NUP93: variants seen among roughly 807,000 people sequenced by gnomAD.
NUP93 encodes nucleoporin 93.
A neutral mutation model predicts 107.8 loss-of-function variants in NUP93; 55 were observed. That is an observed-to-expected ratio of 0.51 (90% CI 0.41 to 0.64). NUP93 has a LOEUF of 0.64. Among genes scored for constraint, NUP93 ranks in the 30% least tolerant of loss-of-function variants. The pLI is 0.00. For synonymous variants in NUP93, 390 were observed against 397.5 expected (o/e 0.98, Z 0.22); for missense variants, 937 against 1,044.7 (o/e 0.90, Z 1.42).
intron 3 of NUP93, among the ~76,000 whole-genome samples, chr16:56,762,934 A>T (rs1424794992): frequency 1.3e-5 from 2 of 152,252 alleles, no homozygotes; most frequent in South Asian, 2.1e-4. Flanking sequence ...GACACCAGTC[A>T]TTGGATTTAG....
intron 1 of NUP93, among the ~76,000 whole-genome samples, chr16:56,739,599 AT>A (rs1961676696): frequency 1.0e-5 from 1 of 95,386 alleles, no homozygotes; most frequent in African/African-American, 4.6e-5. Context: ...TCCCTCCCGG[AT>A]GGGGCGGCTG....
At chr16:56,836,171 G>GT (rs35892526) in intron 16 of NUP93, among the ~76,000 whole-genome samples, 34,051 of 151,144 alleles carry the variant, frequency 0.23, 4,168 homozygotes, top group Non-Finnish European at 0.27. Context: ...CTTGCTGTGT[G>GT]TTTTTTCAGC....
chr16:56,790,789 C>A (rs1962743902), intron 3 of NUP93, among the ~76,000 whole-genome samples: 1 of 152,196 alleles, frequency 6.6e-6, no homozygotes, highest in African/African-American at 2.4e-5. Context: ...AACTTTAGTA[C>A]CAACTGAATA....
intron 1 of NUP93, among the ~76,000 whole-genome samples, chr16:56,744,352 T>C (rs1239583289): frequency 6.6e-6 from 1 of 152,236 alleles, no homozygotes; most frequent in Admixed American, 6.5e-5. Context: ...TAAATTGATA[T>C]TTTGTGGTGA....
At chr16:56,806,880 T>A (rs1963153447) in intron 5 of NUP93, among the ~76,000 whole-genome samples, 1 of 152,154 alleles carries the variant, frequency 6.6e-6, no homozygotes, top group Non-Finnish European at 1.5e-5. Flanking sequence ...ATTGGGGCCA[T>A]CTTAGAGGCT....
intron 1 of NUP93, among the ~76,000 whole-genome samples, chr16:56,736,586 A>G (rs1961616718): frequency 6.6e-6 from 1 of 152,322 alleles, no homozygotes; most frequent in African/African-American, 2.4e-5. Context: ...GAACAGGGTG[A>G]GTTAGAACCT....
chr16:56,825,273 G>A (rs1157328824), intron 8 of NUP93, among the ~76,000 whole-genome samples: 1 of 135,792 alleles, frequency 7.4e-6, no homozygotes, highest in Admixed American at 8.1e-5. Context: ...ATGTAATGGT[G>A]TGATCTTGGC....
chr16:56,756,300 C>T lies in NUP93; in HGVS notation c.180-2238C>T, dbSNP rs529037933. Among the ~76,000 whole-genome samples the T allele has an allele frequency of 2.8e-5, 2 of 72,010 alleles. 1 individual carries two copies. The highest frequency in any genetic ancestry group is 6.3e-5 in the Non-Finnish European group (2 of 31,534). 47.2% of individuals were successfully genotyped at this position (72,010 alleles called of 152,430 possible). On this transcript the variant is annotated intron_variant, in intron 2 of 21. Coordinates refer to ENST00000308159, the MANE Select transcript of NUP93 (RefSeq NM_014669.5). ...CTAATGCTCTCTCTCTCCTTGCCCCCCCCCCCCCCGACAGGCTCCTATGTG... is the reference window on the plus strand; with the variant it reads ...CTAATGCTCTCTCTCTCCTTGCCCCTCCCCCCCCCGACAGGCTCCTATGTG...
intron 3 of NUP93, among the ~76,000 whole-genome samples, chr16:56,765,363 T>C (rs1351837623): frequency 1.3e-5 from 2 of 152,206 alleles, no homozygotes; most frequent in East Asian, 3.9e-4. Flanking sequence ...TTTGAGTTTT[T>C]AGAGGGATTT....
intron 21 of NUP93, chr16:56,842,633 A>G (rs776569539): frequency 1.8e-5 from 8 of 450,298 alleles, no homozygotes; most frequent in Middle Eastern, 4.8e-4. Context: ...GCTCACTGCA[A>G]CCTCTACCTC....
At position 56,846,990 on chromosome 16, in the gene NUP93, G is replaced by A. The variant is rs1203036560; in HGVS notation, c.*2381G>A. On this transcript the variant is annotated 3_prime_UTR_variant, in exon 22 of 22. Transcript: ENST00000308159. ...GATGAGGTTCTTTGACCTGTAGATG[G>A]GTCCTAAAATGAGAAGGGAGAGAAG... The A allele has an allele frequency of 2.2e-5, 2 of 90,406 alleles. No individual in the cohort carries two copies. 5.6% of individuals were successfully genotyped at this position (90,406 alleles called of 1,614,324 possible).
chr16:56,780,204 A>G (rs1962488463), intron 3 of NUP93, among the ~76,000 whole-genome samples: 1 of 152,184 alleles, frequency 6.6e-6, no homozygotes, highest in African/African-American at 2.4e-5. Context: ...AAAAAGCTTG[A>G]TTGTTGAATG....
chr16:56,813,352 T>C (rs1963355367), intron 5 of NUP93, among the ~76,000 whole-genome samples: 1 of 152,196 alleles, frequency 6.6e-6, no homozygotes, highest in Non-Finnish European at 1.5e-5. Flanking sequence ...AGGTGGACTA[T>C]TAGATGAAAT....
intron 1 of NUP93, among the ~76,000 whole-genome samples, chr16:56,730,444 G>A (rs1325810352): frequency 6.6e-6 from 1 of 152,122 alleles, no homozygotes; most frequent in African/African-American, 2.4e-5. Context: ...TCCACTTTCT[G>A]AATGCAGAAC....
At chr16:56,776,930 C>G (rs1207305208) in intron 3 of NUP93, among the ~76,000 whole-genome samples, 1 of 152,216 alleles carries the variant, frequency 6.6e-6, no homozygotes, top group Non-Finnish European at 1.5e-5. Flanking sequence ...GGTAGAACTT[C>G]TTCACATATT....
At chr16:56,808,696 T>A (rs1963237839) in intron 5 of NUP93, among the ~76,000 whole-genome samples, 1 of 127,964 alleles carries the variant, frequency 7.8e-6, no homozygotes. Context: ...TATTTATAAA[T>A]ATATAAAAAT....
At chr16:56,838,255 G>A (rs138831326) in intron 18 of NUP93, among the ~76,000 whole-genome samples, 54 of 152,294 alleles carry the variant, frequency 3.5e-4, no homozygotes, top group African/African-American at 1.3e-3. Flanking sequence ...GAGAAAACTG[G>A]GTTTGGGGTG....
intron 6 of NUP93, among the ~76,000 whole-genome samples, chr16:56,819,792 G>C (rs1963506836): frequency 6.6e-6 from 1 of 152,204 alleles, no homozygotes; most frequent in Non-Finnish European, 1.5e-5. Context: ...TTTGTTGAGA[G>C]AAATTTTCTA....
rs1399445253 is a variant in NUP93 at position 56,834,437 on chromosome 16, C to T, written c.1732C>T (p.Arg578Ter). 3 of 1,613,994 alleles carry T rather than the reference C, an allele frequency of 1.9e-6. No individual in the cohort carries two copies. Among genetic ancestry groups the T allele is most frequent in the African/African-American group, 1.3e-5 (1 of 74,894 alleles). ...TGTGAGTGAGCTTGTGATTGAAAGC[C>T]GAGAGGTGAGTGGGTTTCCTTTTCT... ...RCVSELVIES[R>*]EFDMILGKLE... Residue 578 changes from arginine (R) to a stop codon, truncating the protein, a stop_gained, in exon 15 of 22, where the codon CGA becomes TGA. Coordinates refer to ENST00000308159, the MANE Select transcript of NUP93 (RefSeq NM_014669.5). LOFTEE classifies it high-confidence loss of function.
Sources: allele counts gnomAD v4.1 joint callset (sites outside exome capture counted in the v4.1 genomes callset), GRCh38; gene constraint gnomAD v4.1.1; transcripts MANE v1.5; gene names NCBI Gene and HGNC (gene_info 2026-07-23, HGNC 2026-07-21).